The following CDSN variants were observed in gnomAD, a reference collection of about 807,000 sequenced individuals.
CDSN encodes the protein corneodesmosin.
CDSN carries 11 observed loss-of-function variants against 25.6 expected under a neutral mutation model. The ratio of observed to expected loss-of-function variants is 0.43; its 90% confidence interval spans 0.27 to 0.71. CDSN has a LOEUF of 0.71. Ranked by LOEUF, CDSN falls within the 30% of genes least tolerant of loss-of-function variation. CDSN has a pLI of 0.20. For missense variants in CDSN, 598 were observed against 670.9 expected, an observed-to-expected ratio of 0.89 and a Z score of 1.20; for synonymous variants, 266 against 267.4, an observed-to-expected ratio of 0.99 and a Z score of 0.05.
rs913652197 is a variant in CDSN at position 31,115,288 on chromosome 6, T to C, written c.*737A>G. The C allele has an allele frequency of 3.6e-5, 8 of 221,462 alleles. No homozygotes were observed. The highest frequency in any genetic ancestry group is 1.9e-4 in the African/African-American group (8 of 43,186). The allele number at this position is 221,462 out of a possible 1,614,324, so 13.7% of individuals were successfully genotyped here. On this transcript the variant is annotated 3_prime_UTR_variant, in exon 2 of 2. Transcript: ENST00000376288. This position sits in a 1 kb window ranked among gnomAD's most constrained non-coding sequence, Gnocchi z 4.2. ...TCTGCACCTAGTCCCCACAGTTTAC[T>C]GAGCCATCTGTCCAGGATCCAGGGA...
At position 31,116,393 on chromosome 6, in the gene CDSN, A is replaced by C. The variant is rs1042127; in HGVS notation, c.1222T>G (p.Ser408Ala). ...CCGCAGGGATGGTAGGGTAAACCGG[A>C]GCTGCTGGAAATGCTAGAACTGCTG... ...VPSSSSISSS[S>A]GLPYHPCGSA... The change falls in exon 2 of 2, where the codon TCC (serine) becomes GCC (alanine). Residue 408 changes from serine (S) to alanine (A), a missense_variant. Transcript: ENST00000376288. 0.18 allele frequency: 284,011 copies of C among 1,600,850 alleles called. 27,576 individuals carry two copies. The highest frequency in any genetic ancestry group is 0.33 in the South Asian group (29,322 of 89,730).
Position 31,115,095 on chromosome 6 carries a change from GT to G in CDSN, c.*929del, listed in dbSNP as rs1772035394. ...GGAGGCCAGGCAATCTCTGCTTTCA[GT>G]TCAACAAATATTTATTGTCTTCCTC... On this transcript the variant is annotated 3_prime_UTR_variant, in exon 2 of 2. Transcript: ENST00000376288. This position sits in a 1 kb window ranked among gnomAD's most constrained non-coding sequence, Gnocchi z 4.2. The G allele has an allele frequency of 2.8e-6, 1 of 355,720 alleles. No individual in the cohort carries two copies. 22.0% of individuals were successfully genotyped at this position (355,720 alleles called of 1,614,324 possible).
rs17856936 is a variant in CDSN at position 31,117,013 on chromosome 6, G to C, written c.602C>G (p.Thr201Ser). The change falls in exon 2 of 2, where the codon ACC (threonine) becomes AGC (serine). Residue 201 changes from threonine to serine, a missense_variant. Thr to Ser is a moderately conservative substitution (Grantham distance 58). Transcript: ENST00000376288. ...TTGGCCACTGCTGGATACCCCAAAG[G>C]TCTGGGAAGAGGAAGAGCTTTGTCC... The part of the protein sequence containing the change: ...QPGQSSSSSQ[T>S]FGVSSSGQSV... 1.9e-6 allele frequency: 3 copies of C among 1,614,220 alleles called. No individual in the cohort carries two copies. The highest frequency in any genetic ancestry group is 2.5e-6 in the Non-Finnish European group (3 of 1,180,042).
chr6:31,119,737 A>G (rs1428590485), intron 1 of CDSN, among the ~76,000 whole-genome samples: 1 of 130,140 alleles, frequency 7.7e-6, no homozygotes, highest in Non-Finnish European at 1.8e-5. Flanking sequence ...GTTTCTACTA[A>G]AAATACAAAA....
rs536695955 is a variant in CDSN at position 31,117,949 on chromosome 6, A to T, written c.86-420T>A. 85 of 180,132 alleles carry T rather than the reference A, an allele frequency of 4.7e-4. No individual in the cohort carries two copies. The South Asian group carries it at 8.3e-3, about 17-fold the overall frequency. The allele number at this position is 180,132 out of a possible 1,614,324, so 11.2% of individuals were successfully genotyped here. On this transcript the variant is annotated intron_variant, in intron 1 of 1. Transcript: ENST00000376288. ...GTCTGTATTTTGTTTTTTAATTAAA[A>T]TTTTTTTTAAAAAGAAGAGGGAATG...
Position 31,116,433 on chromosome 6 carries a change from GGA to G in CDSN, c.1180_1181del (p.Ser394GlnfsTer9), listed in dbSNP as rs2150956365. On this transcript the variant is annotated frameshift_variant, in exon 2 of 2. Coordinates refer to ENST00000376288, the MANE Select transcript of CDSN (RefSeq NM_001264.5). LOFTEE classifies it high-confidence loss of function. ...STGSKGPCSP[S>X]SSRVPSSSSI... Reference sequence around the variant, plus strand: ...TAGAACTGCTGGGGACTCGAGAACTGGAGGGAGAGCAGGGTCCCTTGGAGCCC... The same window carrying G: ...TAGAACTGCTGGGGACTCGAGAACTGGGGAGAGCAGGGTCCCTTGGAGCCC... The G allele has an allele frequency of 6.3e-7, 1 of 1,591,002 alleles. No homozygotes were observed.
At chr6:31,119,821 G>A (rs3094210) in intron 1 of CDSN, among the ~76,000 whole-genome samples, 52,910 of 151,938 alleles carry the variant, frequency 0.35, 9,655 homozygotes, top group South Asian at 0.54. Flanking sequence ...CATGAGAGTC[G>A]CTTGAACCTG....
chr6:31,115,683 G>A lies in CDSN; in HGVS notation c.*342C>T. ...AGAGCATTTCAGGGGTTTCCCAGTT[G>A]AGAAGCTGATGGGGGTGTTACTCAA... On this transcript the variant is annotated 3_prime_UTR_variant, in exon 2 of 2. Coordinates refer to ENST00000376288, the MANE Select transcript of CDSN (RefSeq NM_001264.5). The surrounding 1 kb of genome is among the most constrained non-coding windows in gnomAD (Gnocchi z 4.2). 2 of 353,106 alleles carry A rather than the reference G, an allele frequency of 5.7e-6. No homozygotes were observed. Among genetic ancestry groups the A allele is most frequent in the Non-Finnish European group, 1.0e-5 (2 of 194,540 alleles). 21.9% of individuals were successfully genotyped at this position (353,106 alleles called of 1,614,324 possible). A position where few individuals can be genotyped will look rare whatever the true frequency, so the allele number is the denominator to read the frequency against.
chr6:31,116,262 C>T lies in CDSN; in HGVS notation c.1353G>A (p.Lys451=). Residue 451 remains lysine (K), a synonymous_variant, in exon 2 of 2, where the codon AAG becomes AAA. Transcript: ENST00000376288. ...TGCAAGGGTGACCAGAAGAGCTGGA[C>T]TTGCTGCCACAAGGCTGAAGGATGA... ...GKIILQPCGS[K]SSSSGHPCMS... 6.2e-7 allele frequency: 1 copy of T among 1,614,096 alleles called. No individual in the cohort carries two copies. Among genetic ancestry groups the T allele is most frequent in the East Asian group, 2.2e-5 (1 of 44,854 alleles).
rs758844723 is a variant in CDSN, at chr6:31,116,728, T to C, written c.887A>G (p.Tyr296Cys). The C allele has an allele frequency of 6.2e-7, 1 of 1,612,902 alleles. No individual in the cohort carries two copies. Among genetic ancestry groups the C allele is most frequent in the Non-Finnish European group, 8.5e-7 (1 of 1,180,018 alleles). The stretch of plus-strand genomic sequence containing the variant: ...GTCAGAGGAGCCACCCACCACCTCG[T>C]AGCCACCATAGGATTTGTCTACAGA... ...ITSVDKSYGG[Y>C]EVVGGSSDSY... is the part of the protein sequence containing the mutation. Residue 296 changes from tyrosine (Y) to cysteine (C), a missense_variant, in exon 2 of 2, where the codon TAC becomes TGC. Transcript: ENST00000376288.
At position 31,117,187 on chromosome 6, in the gene CDSN, T is replaced by TTCCCGAGTGAGAGCCGCTGC. The variant is rs750143082; in HGVS notation, c.427_428insGCAGCGGCTCTCACTCGGGA (p.Asn143SerfsTer35). 4.3e-6 allele frequency: 7 copies of TTCCCGAGTGAGAGCCGCTGC among 1,613,864 alleles called. No individual in the cohort carries two copies. The highest frequency in any genetic ancestry group is 2.2e-5 in the South Asian group (2 of 91,072). ...GCTGCTTCCCGAGTGAGAGCCGCTG[T>TTCCCGAGTGAGAGCCGCTGC]TTCCCGAGTGAGAGCTGCTGCTCCC... On this transcript the variant is annotated frameshift_variant, in exon 2 of 2. Coordinates refer to ENST00000376288, the MANE Select transcript of CDSN (RefSeq NM_001264.5). LOFTEE classifies it high-confidence loss of function.
Position 31,116,759 on chromosome 6 carries a change from T to C in CDSN, c.856A>G (p.Ile286Val), listed in dbSNP as rs781456074. ...CCATAGGATTTGTCTACAGAGGTGA[T>C]TGGGGGACAGGGCTTGCCTGGAAGG... is the stretch of plus-strand genomic sequence containing the variant. ...GGLPGKPCPP[I>V]TSVDKSYGGY... The change falls in exon 2 of 2, where the codon ATC becomes GTC. Residue 286 changes from isoleucine (I) to valine (V), a missense_variant. Coordinates refer to ENST00000376288, the MANE Select transcript of CDSN (RefSeq NM_001264.5). The C allele has an allele frequency of 8.7e-6, 14 of 1,612,966 alleles. No individual in the cohort carries two copies. The highest frequency in any genetic ancestry group is 6.6e-5 in the South Asian group (6 of 91,076).
Position 31,117,422 on chromosome 6 carries a change from A to C in CDSN, c.193T>G (p.Phe65Val), listed in dbSNP as rs1438626434. ...CTGCTGGAGCCACTGTAGCTACTGA[A>C]ACCGCTGGAGTCACCCTTCCCAGTG... Reference protein sequence around the residue: ...CLTGKGDSSGFSSYSGSSSSG... With the variant: ...CLTGKGDSSGVSSYSGSSSSG... Residue 65 changes from phenylalanine to valine, a missense_variant, in exon 2 of 2, where the codon TTC becomes GTC. By Grantham distance (50) the Phe-to-Val change is conservative (BLOSUM62 -1). Transcript: ENST00000376288. 1 of 1,564,798 alleles carries C rather than the reference A, an allele frequency of 6.4e-7. No individual in the cohort carries two copies. Among genetic ancestry groups the C allele is most frequent in the Non-Finnish European group, 8.7e-7 (1 of 1,154,924 alleles).
rs761798018 is a variant in CDSN at position 31,116,667 on chromosome 6, A to T, written c.948T>A (p.Gly316=). The stretch of plus-strand genomic sequence containing the variant: ...TGAAGTAGCCCACAGGGTAGATTTT[A>T]CCCTTACTGTAGGTCATGCCTGGAA... ...YLVPGMTYSK[G]KIYPVGYFTK... The change falls in exon 2 of 2, where the codon GGT becomes GGA. Residue 316 remains glycine (G), a synonymous_variant. Transcript: ENST00000376288. 36 of 1,612,528 alleles carry T rather than the reference A, an allele frequency of 2.2e-5. No individual in the cohort carries two copies. In the Middle Eastern group the frequency reaches 4.9e-4, roughly 22 times the overall value.
In CDSN at chr6:31,117,419, T is replaced by A; in HGVS notation, c.196A>T (p.Ser66Cys). The A allele has an allele frequency of 6.4e-7, 1 of 1,564,512 alleles. No individual in the cohort carries two copies. Among genetic ancestry groups the A allele is most frequent in the Non-Finnish European group, 8.7e-7 (1 of 1,154,816 alleles). ...GAACTGCTGGAGCCACTGTAGCTAC[T>A]GAAACCGCTGGAGTCACCCTTCCCA... ...LTGKGDSSGF[S>C]SYSGSSSSGS... Residue 66 changes from serine to cysteine, a missense_variant, in exon 2 of 2, where the codon AGT (serine) becomes TGT (cysteine). Ser to Cys is a moderately radical substitution (Grantham distance 112). Transcript: ENST00000376288.
In CDSN at chr6:31,115,940, C is replaced by T; in HGVS notation, c.*85G>A. 1 of 1,239,096 alleles carries T rather than the reference C, an allele frequency of 8.1e-7. No homozygotes were observed. Among genetic ancestry groups the T allele is most frequent in the Non-Finnish European group, 1.2e-6 (1 of 846,524 alleles). The allele number at this position is 1,239,096 out of a possible 1,614,324, so 76.8% of individuals were successfully genotyped here. A position where few individuals can be genotyped will look rare whatever the true frequency, so the allele number is the denominator to read the frequency against. ...GGAGGGAAACTGAGCTAACCCTATG[C>T]CTGGGCACTGGACTTCTCCCATATG... is the stretch of plus-strand genomic sequence containing the variant. On this transcript the variant is annotated 3_prime_UTR_variant, in exon 2 of 2. Transcript: ENST00000376288. This position sits in a 1 kb window ranked among gnomAD's most constrained non-coding sequence, Gnocchi z 4.2.
Position 31,115,392 on chromosome 6 carries a change from G to A in CDSN, c.*633C>T, listed in dbSNP as rs1042146. 0.57 allele frequency: 96,518 copies of A among 169,076 alleles called. 28,397 individuals carry two copies. The highest frequency in any genetic ancestry group is 0.71 in the East Asian group (4,192 of 5,936). 10.5% of individuals were successfully genotyped at this position (169,076 alleles called of 1,614,324 possible). A position where few individuals can be genotyped will look rare whatever the true frequency, so the allele number is the denominator to read the frequency against. On this transcript the variant is annotated 3_prime_UTR_variant, in exon 2 of 2. Transcript: ENST00000376288. The surrounding 1 kb of genome is among the most constrained non-coding windows in gnomAD (Gnocchi z 4.2). ...GGGAATCATCTGAGCACTGAGGGAAGTGGCCACAGGAAGGGGCTGAGATAA... is the reference window on the plus strand; with the variant it reads ...GGGAATCATCTGAGCACTGAGGGAAATGGCCACAGGAAGGGGCTGAGATAA...
chr6:31,116,206 C>T lies in CDSN; in HGVS notation c.1409G>A (p.Gly470Asp), dbSNP rs751655884. The T allele has an allele frequency of 1.9e-6, 3 of 1,613,682 alleles. No individual in the cohort carries two copies. The South Asian group carries it at 3.3e-5, about 18-fold the overall frequency. Reference sequence around the variant, plus strand: ...ATCAGGATGGGGAGAGCCATCGGGGCCCCCAGTCAGTGTCAAGGAGGAGAC... The same window carrying T: ...ATCAGGATGGGGAGAGCCATCGGGGTCCCCAGTCAGTGTCAAGGAGGAGAC... The part of the protein sequence containing the change: ...MSVSSLTLTG[G>D]PDGSPHPDPS... The change falls in exon 2 of 2, where the codon GGC becomes GAC. Residue 470 changes from glycine (G) to aspartate (D), a missense_variant. By Grantham distance (94) the Gly-to-Asp change is moderately conservative (BLOSUM62 -1). Transcript: ENST00000376288.
Position 31,116,069 on chromosome 6 carries a change from G to C in CDSN, c.1546C>G (p.Pro516Ala). ...VKPLGPQLAD[P>A]EVFLPQGELL... Reference sequence around the variant, plus strand: ...TCTCCTTGGGGTAGGAAAACTTCAGGGTCAGCTAGCTGGGGCCCCAGAGGC... The same window carrying C: ...TCTCCTTGGGGTAGGAAAACTTCAGCGTCAGCTAGCTGGGGCCCCAGAGGC... The change falls in exon 2 of 2, where the codon CCT becomes GCT. Residue 516 changes from proline (P) to alanine (A), a missense_variant. Transcript: ENST00000376288. 2 of 1,612,050 alleles carry C rather than the reference G, an allele frequency of 1.2e-6. No homozygotes were observed. The highest frequency in any genetic ancestry group is 1.7e-6 in the Non-Finnish European group (2 of 1,179,800).
Sources: allele counts gnomAD v4.1 joint callset (sites outside exome capture counted in the v4.1 genomes callset), GRCh38; gene constraint gnomAD v4.1.1; non-coding constraint Gnocchi (gnomAD v3.1); transcripts MANE v1.5; gene names NCBI Gene and HGNC (gene_info 2026-07-23, HGNC 2026-07-21).